Variants in LPA observed in about 807,000 individuals in gnomAD.
LPA encodes the protein apolipoprotein(a).
Under a neutral mutation model 197.9 loss-of-function variants are expected in LPA, and 199 were observed. That is an observed-to-expected ratio of 1.01 (90% CI 0.90 to 1.13). The LOEUF is 1.13. Ranked by LOEUF, LPA falls within the 50% of genes most tolerant of loss-of-function variation. The pLI, the probability that LPA is intolerant of heterozygous loss-of-function variation, is 0.00. For synonymous variants in LPA, 715 were observed against 639.5 expected, an observed-to-expected ratio of 1.12 and a Z score of -1.78; for missense variants, 1,853 against 1,785.8, an observed-to-expected ratio of 1.04 and a Z score of -0.68.
In LPA at chr6:160,548,669, C is replaced by A; in HGVS notation, c.4974-10G>T. On this transcript the variant is annotated splice_polypyrimidine_tract_variant and intron_variant, in intron 30 of 38. Transcript: ENST00000316300. ...GTTCATTGTCAGGCCACTGGAAATT[C>A]CAAAGCAATACAAGTTACAGGAGGC... 6.2e-7 allele frequency: 1 copy of A among 1,613,868 alleles called. No individual in the cohort carries two copies. The highest frequency in any genetic ancestry group is 8.5e-7 in the Non-Finnish European group (1 of 1,179,858).
At chr6:160,560,036 G>GCC (rs1562321790) in intron 28 of LPA, among the ~76,000 whole-genome samples, 1,654 of 152,216 alleles carry the variant, frequency 0.011, 33 homozygotes, top group African/African-American at 0.038. Flanking sequence ...GAGAACATAT[G>GCC]GTGTTTGGTT....
At chr6:160,586,321 C>T in intron 25 of LPA, 128 bp downstream of exon 25, 4 of 1,085,566 alleles carry the variant, frequency 3.7e-6, no homozygotes, top group Non-Finnish European at 4.1e-6. Context: ...AGCTTCCTTC[C>T]CATTGGCTGT....
chr6:160,544,472 A>T (rs540764003), intron 33 of LPA, among the ~76,000 whole-genome samples: 1 of 152,060 alleles, frequency 6.6e-6, no homozygotes, highest in African/African-American at 2.4e-5. Context: ...TATCACCCTA[A>T]CCTCTCCTTC....
chr6:160,587,801 T>TGTGTGTGTGTCTG (rs1562333102), intron 24 of LPA, among the ~76,000 whole-genome samples: 2 of 79,718 alleles, frequency 2.5e-5, no homozygotes, highest in South Asian at 4.4e-4. Context: ...GTGTGTGTGT[T>TGTGTGTGTGTCTG]TCTGTCTGTT....
At chr6:160,578,984 A>T (rs1778739104) in intron 26 of LPA, among the ~76,000 whole-genome samples, 1 of 152,234 alleles carries the variant, frequency 6.6e-6, no homozygotes, top group Non-Finnish European at 1.5e-5. Context: ...AAGGATCAGA[A>T]TATCTTCCTT....
At chr6:160,609,720 G>A (rs1004833785) in intron 16 of LPA, among the ~76,000 whole-genome samples, 1 of 151,844 alleles carries the variant, frequency 6.6e-6, no homozygotes. Flanking sequence ...GTCTCTGAGG[G>A]TCGGTTAATT....
At chr6:160,595,882 T>C (rs970158069) in intron 20 of LPA, among the ~76,000 whole-genome samples, 1 of 152,216 alleles carries the variant, frequency 6.6e-6, no homozygotes, top group Non-Finnish European at 1.5e-5. Flanking sequence ...TGTTGTACAA[T>C]GTACAAGAGG....
chr6:160,548,421 G>A (rs752399551), intron 31 of LPA, 57 bp downstream of exon 31: 54 of 1,564,152 alleles, frequency 3.5e-5, no homozygotes, highest in African/African-American at 2.7e-4. Flanking sequence ...TTTTCATCCC[G>A]TTGTCCAAGC....
intron 36 of LPA, among the ~76,000 whole-genome samples, chr6:160,538,561 C>A (rs1777927874): frequency 6.6e-6 from 1 of 152,172 alleles, no homozygotes; most frequent in Non-Finnish European, 1.5e-5. Flanking sequence ...ATCCCAGGGA[C>A]TCTTAAAGAT....
At chr6:160,569,985 A>G (rs190743302) in intron 28 of LPA, among the ~76,000 whole-genome samples, 4 of 152,332 alleles carry the variant, frequency 2.6e-5, no homozygotes, top group Admixed American at 6.5e-5. Context: ...TCAGGAAACA[A>G]CAGATGCTAG....
chr6:160,568,924 AG>A (rs1778512441), intron 28 of LPA, among the ~76,000 whole-genome samples: 1 of 152,234 alleles, frequency 6.6e-6, no homozygotes, highest in African/African-American at 2.4e-5. Flanking sequence ...CCAACTTACA[AG>A]GGATGGGAAG....
At chr6:160,656,201 C>A (rs764917383) in intron 1 of LPA, among the ~76,000 whole-genome samples, 2 of 152,198 alleles carry the variant, frequency 1.3e-5, no homozygotes, top group Admixed American at 6.5e-5. Flanking sequence ...ACCACCCCTG[C>A]GTCTTTCAAG....
intron 30 of LPA, among the ~76,000 whole-genome samples, chr6:160,548,972 C>A (rs1778125837): frequency 1.3e-5 from 2 of 152,164 alleles, no homozygotes; most frequent in South Asian, 4.2e-4. Flanking sequence ...TTAATTGACT[C>A]ACAGTTCCAC....
chr6:160,569,061 G>A (rs1027330415), intron 28 of LPA, among the ~76,000 whole-genome samples: 1 of 152,112 alleles, frequency 6.6e-6, no homozygotes, highest in South Asian at 2.1e-4. Context: ...TACTGCCTAA[G>A]GTAATTTATA....
chr6:160,647,443 T>A (rs1779916022), intron 2 of LPA, among the ~76,000 whole-genome samples: 2 of 152,078 alleles, frequency 1.3e-5, no homozygotes. Flanking sequence ...CAACATTGTG[T>A]CTCTAGTGGC....
At chr6:160,570,500 G>T (rs1371457299) in intron 28 of LPA, among the ~76,000 whole-genome samples, 1 of 152,138 alleles carries the variant, frequency 6.6e-6, no homozygotes, top group Admixed American at 6.5e-5. Context: ...TGGGGGGAGT[G>T]GGGAGGGATA....
chr6:160,535,300 G>A (rs997343582), intron 37 of LPA, among the ~76,000 whole-genome samples: 5 of 145,814 alleles, frequency 3.4e-5, no homozygotes, highest in African/African-American at 7.7e-5. Flanking sequence ...GATGATGGTG[G>A]TGGTAATGTT....
chr6:160,570,560 A>G (rs1778545009), intron 28 of LPA, among the ~76,000 whole-genome samples: 1 of 152,184 alleles, frequency 6.6e-6, no homozygotes, highest in Non-Finnish European at 1.5e-5. Context: ...GGTGCAGCAC[A>G]CCAACATGGC....
intron 19 of LPA, among the ~76,000 whole-genome samples, chr6:160,600,234 T>C (rs1779212177): frequency 2.0e-5 from 3 of 152,128 alleles, no homozygotes; most frequent in South Asian, 4.1e-4. Context: ...TACAATAAGA[T>C]AGGGAATCCT....
Sources: gnomAD v4.1 joint callset for allele counts (sites outside exome capture counted in the v4.1 genomes callset) on GRCh38, gnomAD v4.1.1 for gene constraint, MANE v1.5 for transcripts, NCBI Gene and HGNC (gene_info 2026-07-23, HGNC 2026-07-21) for gene names.